RYR2: variants seen among roughly 807,000 people sequenced by gnomAD.
The protein encoded by RYR2 is ryanodine receptor 2.
A neutral mutation model predicts 601.1 loss-of-function variants in RYR2; 227 were observed. The observed-to-expected ratio is 0.38, with a 90% confidence interval of 0.34 to 0.42. The LOEUF (loss-of-function observed/expected upper bound fraction) is 0.42, where lower values mean the gene tolerates loss of function less well. Among genes scored for constraint, RYR2 ranks in the 10% least tolerant of loss-of-function variants. RYR2 has a pLI of 1.00. For synonymous variants in RYR2, 2,223 were observed against 2,175.1 expected (o/e 1.02, Z -0.61); for missense variants, 4,646 against 6,156.5 (o/e 0.75, Z 8.21).
intron 1 of RYR2, among the ~76,000 whole-genome samples, chr1:237,209,061 G>A (rs60144824): frequency 0.25 from 33,651 of 135,956 alleles, 5,008 homozygotes; most frequent in East Asian, 0.42. Flanking sequence ...ACATATGTAT[G>A]TAACACTTAT....
chr1:237,048,903 G>A (rs1209586083), intron 1 of RYR2, among the ~76,000 whole-genome samples: 1 of 152,306 alleles, frequency 6.6e-6, no homozygotes, highest in Middle Eastern at 3.4e-3. Context: ...ACTTGAATGC[G>A]TCCAAATGCA....
chr1:237,083,366 C>T (rs1352041296), intron 1 of RYR2, among the ~76,000 whole-genome samples: 1 of 152,188 alleles, frequency 6.6e-6, no homozygotes, highest in Non-Finnish European at 1.5e-5. Context: ...CCATGCCACT[C>T]TCAGGCAAGC....
At chr1:237,763,263 A>G (rs1693573558) in intron 84 of RYR2, among the ~76,000 whole-genome samples, 1 of 152,196 alleles carries the variant, frequency 6.6e-6, no homozygotes, top group Non-Finnish European at 1.5e-5. Context: ...GAATGATCCT[A>G]GAATGTGTGC....
chr1:237,172,898 T>G (rs1677577678), intron 1 of RYR2, among the ~76,000 whole-genome samples: 1 of 152,172 alleles, frequency 6.6e-6, no homozygotes, highest in South Asian at 2.1e-4. Context: ...TGGATTTCTA[T>G]CCTAGGAGAG....
intron 1 of RYR2, among the ~76,000 whole-genome samples, chr1:237,239,211 G>T (rs1454923074): frequency 6.6e-6 from 1 of 152,076 alleles, no homozygotes; most frequent in Non-Finnish European, 1.5e-5. Flanking sequence ...TTTGAAGCAG[G>T]GTTGTTTGTC....
intron 12 of RYR2, among the ~76,000 whole-genome samples, chr1:237,431,688 T>C (rs1706819212): frequency 6.6e-6 from 1 of 152,186 alleles, no homozygotes; most frequent in East Asian, 1.9e-4. Flanking sequence ...GTTGTACTAT[T>C]TGGTCTAAAA....
At chr1:237,077,669 T>C (rs1392529234) in intron 1 of RYR2, among the ~76,000 whole-genome samples, 19 of 146,744 alleles carry the variant, frequency 1.3e-4, no homozygotes, top group African/African-American at 4.5e-4. Context: ...TCCCACACAT[T>C]AATAATGGGA....
chr1:237,404,506 A>G (rs185105372), intron 10 of RYR2, among the ~76,000 whole-genome samples: 1 of 152,364 alleles, frequency 6.6e-6, no homozygotes, highest in East Asian at 1.9e-4. Flanking sequence ...AGAAAGCAGG[A>G]AATGAGAATA....
Position 237,577,896 on chromosome 1 carries a change from G to A in RYR2, c.3598+8577G>A, listed in dbSNP as rs139561924. ...CAGCTCACTGCAACCTCTACCTCCCGGGTTCAAGCAATTCTCCTCCCTCAA... is the reference window on the plus strand; with the variant it reads ...CAGCTCACTGCAACCTCTACCTCCCAGGTTCAAGCAATTCTCCTCCCTCAA... On this transcript the variant is annotated intron_variant, in intron 29 of 104. Coordinates refer to ENST00000366574, the MANE Select transcript of RYR2 (RefSeq NM_001035.3). Among the ~76,000 whole-genome samples the A allele has an allele frequency of 1.6e-3, 250 of 152,172 alleles. 1 individual carries two copies. Among genetic ancestry groups the A allele is most frequent in the African/African-American group, 5.6e-3 (234 of 41,516 alleles).
At chr1:237,368,788 G>T (rs1009413590) in intron 5 of RYR2, among the ~76,000 whole-genome samples, 1 of 150,170 alleles carries the variant, frequency 6.7e-6, no homozygotes. Context: ...ATACTCATTC[G>T]TTGAATCAAC....
intron 27 of RYR2, among the ~76,000 whole-genome samples, chr1:237,557,031 T>G (rs758132372): frequency 1.3e-5 from 2 of 152,088 alleles, no homozygotes; most frequent in Non-Finnish European, 2.9e-5. Flanking sequence ...TGGCCAGGGC[T>G]TAAGTCATCT....
chr1:237,251,398 TG>T (rs1687453143), intron 1 of RYR2, among the ~76,000 whole-genome samples: 1 of 152,328 alleles, frequency 6.6e-6, no homozygotes, highest in South Asian at 2.1e-4. Context: ...CCAAATGTAA[TG>T]GCAATTCTAA....
intron 3 of RYR2, among the ~76,000 whole-genome samples, chr1:237,353,415 A>C (rs776477277): frequency 2.0e-5 from 3 of 151,276 alleles, no homozygotes; most frequent in Non-Finnish European, 4.4e-5. Flanking sequence ...AAACTGAGAC[A>C]GGAGAATCGC....
intron 17 of RYR2, among the ~76,000 whole-genome samples, chr1:237,483,890 A>T (rs1365713569): frequency 6.6e-6 from 1 of 152,180 alleles, no homozygotes; most frequent in South Asian, 2.1e-4. Context: ...GGTAGGAGGG[A>T]AAAAAATCCC....
At chr1:237,555,102 G>A (rs1274127052) in intron 27 of RYR2, 1 of 152,052 alleles carries the variant, frequency 6.6e-6, no homozygotes, top group Non-Finnish European at 1.5e-5. Flanking sequence ...TATGGAGAAC[G>A]TTAATGTTCA....
intron 3 of RYR2, among the ~76,000 whole-genome samples, chr1:237,332,110 T>A (rs537806067): frequency 6.6e-6 from 1 of 152,318 alleles, no homozygotes; most frequent in East Asian, 1.9e-4. Flanking sequence ...ATGTTGCTGT[T>A]GTTATTAATC....
chr1:237,580,690 A>G (rs150749134), intron 29 of RYR2, among the ~76,000 whole-genome samples: 4 of 152,170 alleles, frequency 2.6e-5, no homozygotes, highest in Non-Finnish European at 4.4e-5. Flanking sequence ...CTAACCCTCA[A>G]TGTGGCTGTA....
intron 87 of RYR2, among the ~76,000 whole-genome samples, chr1:237,775,674 G>A (rs1202710240): frequency 6.6e-6 from 1 of 152,190 alleles, no homozygotes. Flanking sequence ...GGGAAGAATT[G>A]TTTGAGTAAG....
chr1:237,646,444 G>A (rs1471262597), intron 48 of RYR2, among the ~76,000 whole-genome samples: 5 of 152,102 alleles, frequency 3.3e-5, no homozygotes, highest in Non-Finnish European at 7.4e-5. Flanking sequence ...TTATGTGGCT[G>A]TGCATTCACT....
Sources: allele counts gnomAD v4.1 joint callset (sites outside exome capture counted in the v4.1 genomes callset), GRCh38; gene constraint gnomAD v4.1.1; transcripts MANE v1.5; gene names NCBI Gene and HGNC (gene_info 2026-07-23, HGNC 2026-07-21).